LRRC4B: variants seen among roughly 807,000 people sequenced by gnomAD.
LRRC4B encodes the protein leucine-rich repeat-containing protein 4B.
In LRRC4B, 1 loss-of-function variant was observed where a neutral mutation model predicts 7.3. That is an observed-to-expected ratio of 0.14 (90% CI 0.05 to 0.65). The LOEUF is 0.65. LRRC4B is among the 30% of genes least tolerant of loss of function. The probability of loss-of-function intolerance (pLI) is 0.84; values close to 1 mark genes in which losing one functional copy is unlikely to be tolerated. For synonymous variants in LRRC4B, 500 were observed against 499.2 expected, an observed-to-expected ratio of 1.00 and a Z score of -0.02; for missense variants, 730 against 1,041.6, an observed-to-expected ratio of 0.70 and a Z score of 4.12.
chr19:50,543,335 GGTGTGTGTGTGTGT>G (rs143123202), intron 2 of LRRC4B, among the ~76,000 whole-genome samples: 1 of 145,194 alleles, frequency 6.9e-6, no homozygotes, highest in Admixed American at 6.9e-5. Context: ...GCCAGGCCCT[GGTGTGTGTGTGTGT>G]GTGTGTGTGT....
At chr19:50,520,290 AAG>A (rs1368406268) in intron 2 of LRRC4B, among the ~76,000 whole-genome samples, 1 of 149,576 alleles carries the variant, frequency 6.7e-6, no homozygotes, top group African/African-American at 2.5e-5. Flanking sequence ...AAATGAAAAA[AAG>A]AGAAAAAAAG....
intron 2 of LRRC4B, among the ~76,000 whole-genome samples, chr19:50,542,947 C>T (rs779161114): frequency 3.9e-5 from 6 of 152,138 alleles, no homozygotes; most frequent in Non-Finnish European, 5.9e-5. Flanking sequence ...CCAAAGTCCC[C>T]GCGAGGTTCT....
At chr19:50,546,265 G>A (rs746687652) in intron 2 of LRRC4B, among the ~76,000 whole-genome samples, 6 of 152,124 alleles carry the variant, frequency 3.9e-5, no homozygotes, top group East Asian at 3.9e-4. Context: ...AACCCGGGAG[G>A]TGGAGGTTAC....
intron 2 of LRRC4B, among the ~76,000 whole-genome samples, chr19:50,521,533 T>G (rs1242526015): frequency 6.6e-6 from 1 of 152,196 alleles, no homozygotes; most frequent in Non-Finnish European, 1.5e-5. Context: ...GTTCTAGCGA[T>G]TCTCCTGCCT....
At chr19:50,520,232 AAAAAAAAAAAAAAAAG>A (rs1980508280) in intron 2 of LRRC4B, among the ~76,000 whole-genome samples, 2 of 68,706 alleles carry the variant, frequency 2.9e-5, no homozygotes, top group Admixed American at 1.9e-4. Context: ...AAAAAAAAAA[AAAAAAAAAAAAAAAAG>A]AAGAAAAGAA....
intron 1 of LRRC4B, among the ~76,000 whole-genome samples, chr19:50,560,910 G>A (rs1411797213): frequency 6.6e-6 from 1 of 152,090 alleles, no homozygotes; most frequent in Non-Finnish European, 1.5e-5. Context: ...CCAACACAGT[G>A]AAACCCCCGT....
intron 1 of LRRC4B, among the ~76,000 whole-genome samples, chr19:50,564,373 C>A (rs951560010): frequency 6.6e-6 from 1 of 151,608 alleles, no homozygotes; most frequent in Non-Finnish European, 1.5e-5. Context: ...GAGGGAGCCA[C>A]GGGGAAGGAG....
At chr19:50,546,778 C>T (rs190339254) in intron 2 of LRRC4B, among the ~76,000 whole-genome samples, 112 of 152,282 alleles carry the variant, frequency 7.4e-4, no homozygotes, top group Admixed American at 1.8e-3. Flanking sequence ...GGTTCTACGA[C>T]GGGGATGTTG....
intron 2 of LRRC4B, among the ~76,000 whole-genome samples, chr19:50,541,598 A>G (rs1310995183): frequency 6.6e-6 from 1 of 152,030 alleles, no homozygotes; most frequent in Admixed American, 6.6e-5. Context: ...AAGCCCCTCT[A>G]ATAATTTCCT....
intron 1 of LRRC4B, among the ~76,000 whole-genome samples, chr19:50,567,108 G>A (rs1420847768): frequency 1.3e-5 from 2 of 149,594 alleles, no homozygotes; most frequent in Non-Finnish European, 3.0e-5. Flanking sequence ...AGGGTCGGAA[G>A]CCTGGGGAGG....
chr19:50,554,042 G>T (rs1272516594), intron 1 of LRRC4B, among the ~76,000 whole-genome samples: 1 of 143,838 alleles, frequency 7.0e-6, no homozygotes, highest in Non-Finnish European at 1.5e-5. Flanking sequence ...TGCCCAGGCT[G>T]GAGTGCAGTG....
intron 1 of LRRC4B, among the ~76,000 whole-genome samples, chr19:50,550,259 C>T (rs1159647418): frequency 6.6e-6 from 1 of 152,154 alleles, no homozygotes. Context: ...TGGGTCTACC[C>T]TCTGGCTCCC....
intron 1 of LRRC4B, among the ~76,000 whole-genome samples, chr19:50,558,561 C>T (rs4584940): frequency 0.69 from 105,382 of 152,176 alleles, 37,312 homozygotes; most frequent in African/African-American, 0.75. Flanking sequence ...CACTGTCAAA[C>T]AGACTCTCTG....
intron 1 of LRRC4B, among the ~76,000 whole-genome samples, chr19:50,549,229 A>G (rs532504520): frequency 6.6e-6 from 1 of 152,206 alleles, no homozygotes; most frequent in Non-Finnish European, 1.5e-5. Flanking sequence ...GCATGACTTC[A>G]AAAAGGTAGA....
At position 50,548,113 on chromosome 19, in the gene LRRC4B, C is replaced by T. The variant is rs945510447; in HGVS notation, c.297+429G>A. Among the ~76,000 whole-genome samples, 2 of 152,246 alleles carry T rather than the reference C, an allele frequency of 1.3e-5. No individual in the cohort carries two copies. Among genetic ancestry groups the T allele is most frequent in the East Asian group, 1.9e-4 (1 of 5,198 alleles). ...TCAACGCAGGGGCTTGCATTGTCCC[C>T]GCTTTTCAGATGAAGAAACTGAGGC... On this transcript the variant is annotated intron_variant, in intron 2 of 2. Transcript: ENST00000652263. The surrounding 1 kb of genome is among the most constrained non-coding windows in gnomAD (Gnocchi z 6.8).
At position 50,553,957 on chromosome 19, in the gene LRRC4B, T is replaced by A. The variant is rs1010889290; in HGVS notation, c.-35-5084A>T. Among the ~76,000 whole-genome samples, 6 of 149,264 alleles carry A rather than the reference T, an allele frequency of 4.0e-5. No homozygotes were observed. The highest frequency in any genetic ancestry group is 8.9e-5 in the Non-Finnish European group (6 of 67,552). ...GACACCCTCGGTCCCCAGGTCCCCT[T>A]CCATCCCAGGAGGCCTGCTGGCAGA... is the stretch of plus-strand genomic sequence containing the variant. On this transcript the variant is annotated intron_variant, in intron 1 of 2. Coordinates refer to ENST00000652263, the MANE Select transcript of LRRC4B (RefSeq NM_001080457.2). The surrounding 1 kb of genome is among the most constrained non-coding windows in gnomAD (Gnocchi z 4.2).
intron 1 of LRRC4B, among the ~76,000 whole-genome samples, chr19:50,554,037 A>T (rs915478576): frequency 2.8e-4 from 35 of 126,258 alleles, no homozygotes; most frequent in African/African-American, 1.0e-3. Flanking sequence ...TCTGTTGCCC[A>T]GGCTGGAGTG....
In LRRC4B at chr19:50,537,163, C is replaced by T. The variant is rs1448512294; in HGVS notation, c.297+11379G>A. ...GATAGCTACGAATTAGGAAGCATTA[C>T]GAATCGCGTTGAAAAAACCAAGTTC... On this transcript the variant is annotated intron_variant, in intron 2 of 2. Transcript: ENST00000652263. The surrounding 1 kb of genome is among the most constrained non-coding windows in gnomAD (Gnocchi z 5.5). Among the ~76,000 whole-genome samples, 10 of 152,128 alleles carry T rather than the reference C, an allele frequency of 6.6e-5. No individual in the cohort carries two copies. Among genetic ancestry groups the T allele is most frequent in the East Asian group, 1.9e-4 (1 of 5,192 alleles).
chr19:50,521,858 G>A (rs1601371621), intron 2 of LRRC4B, among the ~76,000 whole-genome samples: 1 of 151,098 alleles, frequency 6.6e-6, no homozygotes, highest in Non-Finnish European at 1.5e-5. Flanking sequence ...CACCGTGCCC[G>A]GCCACTATAC....
Sources: allele counts gnomAD v4.1 joint callset (sites outside exome capture counted in the v4.1 genomes callset), GRCh38; gene constraint gnomAD v4.1.1; non-coding constraint Gnocchi (gnomAD v3.1); transcripts MANE v1.5; gene names NCBI Gene and HGNC (gene_info 2026-07-23, HGNC 2026-07-21).